The following GUCY2F variants were observed in gnomAD, a reference collection of about 807,000 sequenced individuals.
GUCY2F encodes guanylate cyclase 2F, retinal.
GUCY2F carries 61 observed loss-of-function variants against 73.1 expected under a neutral mutation model. That is an observed-to-expected ratio of 0.83 (90% CI 0.68 to 1.03). The LOEUF is 1.03. Among genes scored for constraint, GUCY2F ranks in the 50% least tolerant of loss-of-function variants. The pLI is 0.00. For synonymous variants in GUCY2F, 331 were observed against 307.8 expected (o/e 1.08, Z -0.79); for missense variants, 912 against 854.3 (o/e 1.07, Z -0.84).
In GUCY2F at chrX:109,475,358, T is replaced by C. The variant is rs1358880195; in HGVS notation, c.579A>G (p.Ser193=). Reference sequence around the variant, plus strand: ...CTGTATGCACCCAAATGTCTTCATCTGAGGAAATGACTCCAGCATGAGCCC... The same window carrying C: ...CTGTATGCACCCAAATGTCTTCATCCGAGGAAATGACTCCAGCATGAGCCC... ...FQWAHAGVIS[S]DEDIWVHTAN... Residue 193 remains serine, a synonymous_variant, in exon 2 of 20, where the codon TCA becomes TCG. Coordinates refer to ENST00000218006, the MANE Select transcript of GUCY2F (RefSeq NM_001522.3). 2 of 1,211,364 alleles carry C rather than the reference T, an allele frequency of 1.7e-6. No individual in the cohort carries two copies. The highest frequency in any genetic ancestry group is 1.8e-5 in the South Asian group (1 of 56,954).
chrX:109,450,910 C>T (rs7892018), intron 5 of GUCY2F, among the ~76,000 whole-genome samples: 2,001 of 111,552 alleles, frequency 0.018, 44 homozygotes, highest in African/African-American at 0.062. Flanking sequence ...TTCTTCATTG[C>T]GCAAATAAGA....
chrX:109,428,144 T>C (rs1258353803), intron 8 of GUCY2F, among the ~76,000 whole-genome samples: 6 of 112,272 alleles, frequency 5.3e-5, no homozygotes, highest in Non-Finnish European at 1.1e-4. Context: ...GTCAAAATTA[T>C]TGGGTAAAAC....
At chrX:109,431,138 T>C (rs997052686) in intron 7 of GUCY2F, among the ~76,000 whole-genome samples, 2 of 111,641 alleles carry the variant, frequency 1.8e-5, no homozygotes, top group Admixed American at 9.5e-5. Context: ...ATAACCTTTT[T>C]CTACGTGCAT....
chrX:109,385,989 A>G (rs5985717), intron 15 of GUCY2F, among the ~76,000 whole-genome samples: 11,628 of 110,434 alleles, frequency 0.11, 1,469 homozygotes, highest in African/African-American at 0.35. Flanking sequence ...AAAAAGAGAT[A>G]GGGGGTCTCA....
chrX:109,476,000 A>C lies in GUCY2F; in HGVS notation c.-64T>G. ...GAGAGTTATTCTGCTTTCCCGACAC[A>C]GACGGTGGTGTTTCCAAATGCCTGT... On this transcript the variant is annotated 5_prime_UTR_variant, in exon 2 of 20. Transcript: ENST00000218006. The C allele has an allele frequency of 2.9e-6, 3 of 1,027,952 alleles. No homozygotes were observed. Among genetic ancestry groups the C allele is most frequent in the Non-Finnish European group, 3.9e-6 (3 of 765,048 alleles). 84.7% of individuals were successfully genotyped at this position (1,027,952 alleles called of 1,213,427 possible).
chrX:109,385,333 G>A, intron 15 of GUCY2F, 51 bp from the exon 16 acceptor site: 1 of 603,109 alleles, frequency 1.7e-6, no homozygotes. Flanking sequence ...TGCACCCAAT[G>A]CTAATAGAGG....
rs374697706 is a variant in GUCY2F, at chrX:109,404,612, C to T, written c.1969-128G>A. On this transcript the variant is annotated intron_variant, in intron 9 of 19. Transcript: ENST00000218006. ...GAACTCAGCTTTTTTCTCTTCTATGCAGGCAAAGTAAACCTTTGACAACCT... is the reference window on the plus strand; with the variant it reads ...GAACTCAGCTTTTTTCTCTTCTATGTAGGCAAAGTAAACCTTTGACAACCT... 3.1e-3 allele frequency: 1,458 copies of T among 471,963 alleles called. 3 individuals carry two copies. The highest frequency in any genetic ancestry group is 4.4e-3 in the Non-Finnish European group (1,217 of 278,275). 38.9% of individuals were successfully genotyped at this position (471,963 alleles called of 1,213,427 possible). A position where few individuals can be genotyped will look rare whatever the true frequency, so the allele number is the denominator to read the frequency against.
chrX:109,436,522 C>G (rs1448408258), intron 7 of GUCY2F, among the ~76,000 whole-genome samples: 2 of 111,591 alleles, frequency 1.8e-5, no homozygotes, highest in African/African-American at 6.5e-5. Context: ...ATAGCAAAGA[C>G]TTGGAACCAA....
chrX:109,385,645 C>A (rs752581330), intron 15 of GUCY2F, among the ~76,000 whole-genome samples: 3 of 111,826 alleles, frequency 2.7e-5, no homozygotes, highest in East Asian at 5.7e-4. Flanking sequence ...GTGACTTTTT[C>A]TTGTGCCTTA....
chrX:109,442,677 C>T (rs1931902190), intron 6 of GUCY2F, among the ~76,000 whole-genome samples: 1 of 111,259 alleles, frequency 9.0e-6, no homozygotes, highest in Non-Finnish European at 1.9e-5. Context: ...TCACAAAGTT[C>T]CAAGACAGTG....
At position 109,377,913 on chromosome X, in the gene GUCY2F, C is replaced by G. The variant is rs2300124; in HGVS notation, c.3151-1746G>C. Among the ~76,000 whole-genome samples the G allele has an allele frequency of 5.2e-4, 58 of 111,176 alleles. No individual in the cohort carries two copies. In the East Asian group the frequency reaches 9.7e-3, roughly 19 times the overall value. On this transcript the variant is annotated intron_variant, in intron 17 of 19. Transcript: ENST00000218006. ...AAATCAAAGAGTATGCAGGGGAGCT[C>G]CAGGGGCTCTCTGAGGTTTTGGAGT...
rs1447248706 is a variant in GUCY2F, at chrX:109,481,952, G to T, written c.-172C>A. On this transcript the variant is annotated 5_prime_UTR_variant, in exon 1 of 20. The change creates a premature stop within an existing upstream ORF in the 5' untranslated region. Coordinates refer to ENST00000218006, the MANE Select transcript of GUCY2F (RefSeq NM_001522.3). ...GCTACCTCAGTGTGTCCATTTCTTT[G>T]CATCCTCTATGCATTCACAATCCTG... 1 of 111,641 alleles carries T rather than the reference G, an allele frequency of 9.0e-6. No individual in the cohort carries two copies. Among genetic ancestry groups the T allele is most frequent in the Admixed American group, 9.5e-5 (1 of 10,544 alleles). 9.2% of individuals were successfully genotyped at this position (111,641 alleles called of 1,213,427 possible). A position where few individuals can be genotyped will look rare whatever the true frequency, so the allele number is the denominator to read the frequency against.
intron 5 of GUCY2F, 80 bp from the exon 6 acceptor site, chrX:109,448,245 A>C (rs1932066640): frequency 3.8e-6 from 2 of 519,511 alleles, no homozygotes; most frequent in East Asian, 7.2e-5. Context: ...CTAAGATAGC[A>C]CTTAAAGAAT....
At chrX:109,437,002 A>C (rs1306491466) in intron 7 of GUCY2F, among the ~76,000 whole-genome samples, 1 of 111,774 alleles carries the variant, frequency 8.9e-6, no homozygotes, top group Non-Finnish European at 1.9e-5. Flanking sequence ...AGCAAAAAAA[A>C]AAAGAAAATT....
At chrX:109,425,398 ATT>A (rs1484941678) in intron 8 of GUCY2F, among the ~76,000 whole-genome samples, 8 of 106,727 alleles carry the variant, frequency 7.5e-5, no homozygotes, top group African/African-American at 2.4e-4. Context: ...ATATATATAT[ATT>A]ATATGTGTGT....
intron 6 of GUCY2F, among the ~76,000 whole-genome samples, chrX:109,445,545 G>C (rs1464555047): frequency 1.8e-5 from 2 of 111,881 alleles, no homozygotes; most frequent in Non-Finnish European, 3.8e-5. Context: ...AAGGAAACAG[G>C]TATCCCAGGG....
intron 5 of GUCY2F, among the ~76,000 whole-genome samples, chrX:109,450,870 G>A (rs1176945706): frequency 8.9e-6 from 1 of 111,871 alleles, no homozygotes; most frequent in African/African-American, 3.2e-5. Flanking sequence ...ATCAGAGCTG[G>A]GAGGGCTCTT....
Position 109,375,992 on chromosome X carries a change from G to A in GUCY2F, c.3240-6C>T. ...GCAGGCCATGGCCCACTTGCCTGCA[G>A]GGCAGGGGAGACATCAAATAGGTAG... is the stretch of plus-strand genomic sequence containing the variant. On this transcript the variant is annotated splice_polypyrimidine_tract_variant and splice_region_variant and intron_variant, in intron 18 of 19. Coordinates refer to ENST00000218006, the MANE Select transcript of GUCY2F (RefSeq NM_001522.3). 1 of 1,190,446 alleles carries A rather than the reference G, an allele frequency of 8.4e-7. No homozygotes were observed. The highest frequency in any genetic ancestry group is 1.1e-6 in the Non-Finnish European group (1 of 875,831).
At chrX:109,382,252 A>C in intron 16 of GUCY2F, 40 bp from the exon 17 acceptor site, 1 of 761,652 alleles carries the variant, frequency 1.3e-6, no homozygotes, top group Non-Finnish European at 2.0e-6. Context: ...CTCCTTTCTC[A>C]CTGGCAAAAT....
Sources: gnomAD v4.1 joint callset for allele counts (sites outside exome capture counted in the v4.1 genomes callset) on GRCh38, gnomAD v4.1.1 for gene constraint, MANE v1.5 for transcripts, NCBI Gene and HGNC (gene_info 2026-07-23, HGNC 2026-07-21) for gene names.